The following PRKCA variants were observed in gnomAD, a reference collection of about 807,000 sequenced individuals.
PRKCA encodes protein kinase C alpha type.
Under a neutral mutation model 87.0 loss-of-function variants are expected in PRKCA, and 27 were observed. That is an observed-to-expected ratio of 0.31 (90% CI 0.23 to 0.43). The LOEUF is 0.43. Among genes scored for constraint, PRKCA ranks in the 20% least tolerant of loss-of-function variants. The pLI is 1.00. For synonymous variants in PRKCA, 329 were observed against 311.1 expected, an observed-to-expected ratio of 1.06 and a Z score of -0.61; for missense variants, 518 against 852.3, an observed-to-expected ratio of 0.61 and a Z score of 4.88.
intron 2 of PRKCA, among the ~76,000 whole-genome samples, chr17:66,399,885 T>C (rs1910918842): frequency 6.6e-6 from 1 of 152,116 alleles, no homozygotes; most frequent in African/African-American, 2.4e-5. Context: ...ATGGTTCAGA[T>C]TGGGGATTTT....
intron 2 of PRKCA, among the ~76,000 whole-genome samples, chr17:66,486,664 C>T (rs538098076): frequency 6.6e-6 from 1 of 152,226 alleles, no homozygotes; most frequent in South Asian, 2.1e-4. Flanking sequence ...ATGAAGACAT[C>T]TCTCATGGCT....
chr17:66,779,951 G>A (rs1975164183), intron 14 of PRKCA, among the ~76,000 whole-genome samples: 1 of 152,182 alleles, frequency 6.6e-6, no homozygotes, highest in Non-Finnish European at 1.5e-5. Flanking sequence ...AGGCTAAGTG[G>A]CTGGCAGTAC....
intron 3 of PRKCA, among the ~76,000 whole-genome samples, chr17:66,557,801 C>A (rs750161361): frequency 6.6e-6 from 1 of 152,148 alleles, no homozygotes; most frequent in Non-Finnish European, 1.5e-5. Flanking sequence ...TAAAATCCAT[C>A]TGGGCAGATT....
intron 2 of PRKCA, among the ~76,000 whole-genome samples, chr17:66,321,231 T>A (rs1325495682): frequency 6.6e-6 from 1 of 152,194 alleles, no homozygotes; most frequent in Non-Finnish European, 1.5e-5. Flanking sequence ...TAAAAATTAG[T>A]CTGAAACAAT....
At chr17:66,493,167 A>T (rs1015028230) in intron 2 of PRKCA, among the ~76,000 whole-genome samples, 2 of 152,184 alleles carry the variant, frequency 1.3e-5, no homozygotes, top group African/African-American at 4.8e-5. Flanking sequence ...TTACAATCAC[A>T]TTATATTATG....
rs143978571 is a variant in PRKCA, at chr17:66,315,974, G to A, written c.205+9847G>A. Among the ~76,000 whole-genome samples the A allele has an allele frequency of 5.2e-3, 797 of 152,302 alleles. 6 individuals carry two copies. Among genetic ancestry groups the A allele is most frequent in the African/African-American group, 0.018 (751 of 41,560 alleles). On this transcript the variant is annotated intron_variant, in intron 2 of 16. Transcript: ENST00000413366. ...CATTATATTACATCTTAGTCTGAAT[G>A]AAATAACAGTTTTTGAAGCATGTGG...
intron 8 of PRKCA, among the ~76,000 whole-genome samples, chr17:66,692,846 A>G (rs181111059): frequency 1.1e-4 from 17 of 152,304 alleles, no homozygotes; most frequent in African/African-American, 3.4e-4. Context: ...GTTAAGTTCA[A>G]TGATGAATCT....
At chr17:66,510,910 C>A (rs1917197706) in intron 3 of PRKCA, among the ~76,000 whole-genome samples, 1 of 152,024 alleles carries the variant, frequency 6.6e-6, no homozygotes, top group South Asian at 2.1e-4. Context: ...CCATGCCCGG[C>A]TAATTTTCGT....
intron 14 of PRKCA, among the ~76,000 whole-genome samples, chr17:66,782,604 C>T (rs1194526831): frequency 6.6e-6 from 1 of 152,214 alleles, no homozygotes; most frequent in African/African-American, 2.4e-5. Context: ...TACGGGATGA[C>T]TTGAAACATC....
intron 2 of PRKCA, among the ~76,000 whole-genome samples, chr17:66,375,029 G>A (rs141585053): frequency 8.7e-5 from 13 of 148,634 alleles, no homozygotes; most frequent in African/African-American, 3.2e-4. Flanking sequence ...CACCGCACCC[G>A]GCCTTAGTTG....
chr17:66,567,539 G>A (rs1180164786), intron 3 of PRKCA, among the ~76,000 whole-genome samples: 1 of 152,226 alleles, frequency 6.6e-6, no homozygotes, highest in Non-Finnish European at 1.5e-5. Flanking sequence ...TGAATTCCCA[G>A]TGGGAAGAAA....
At chr17:66,305,646 AT>A (rs1904775454) in intron 1 of PRKCA, among the ~76,000 whole-genome samples, 1 of 152,242 alleles carries the variant, frequency 6.6e-6, no homozygotes, top group Non-Finnish European at 1.5e-5. Context: ...GACATGTGAT[AT>A]TTTAAACAAA....
chr17:66,642,224 A>G (rs1485734344), intron 4 of PRKCA, among the ~76,000 whole-genome samples: 1 of 151,564 alleles, frequency 6.6e-6, no homozygotes, highest in East Asian at 1.9e-4. Flanking sequence ...CCACCTCCCG[A>G]GTTCACACCA....
chr17:66,768,741 G>A (rs1164258354), intron 13 of PRKCA, among the ~76,000 whole-genome samples: 1 of 152,146 alleles, frequency 6.6e-6, no homozygotes, highest in African/African-American at 2.4e-5. Context: ...AACAGCAAGG[G>A]GAAATCCGCC....
At position 66,808,121 on chromosome 17, in the gene PRKCA, C is replaced by G. The variant is rs1377702193; in HGVS notation, c.*4084C>G. ...TAGCTCATAGTTCTCTGGGCAGAGC[C>G]AGACCATCCAGTGTACCCCAGAGGC... On this transcript the variant is annotated 3_prime_UTR_variant, in exon 17 of 17. Coordinates refer to ENST00000413366, the MANE Select transcript of PRKCA (RefSeq NM_002737.3). 1 of 152,136 alleles carries G rather than the reference C, an allele frequency of 6.6e-6. No homozygotes were observed. Among genetic ancestry groups the G allele is most frequent in the Non-Finnish European group, 1.5e-5 (1 of 68,050 alleles). 9.4% of individuals were successfully genotyped at this position (152,136 alleles called of 1,614,324 possible).
intron 3 of PRKCA, among the ~76,000 whole-genome samples, chr17:66,504,690 T>TC (rs796859345): frequency 1.2e-4 from 18 of 152,196 alleles, no homozygotes; most frequent in African/African-American, 4.3e-4. Context: ...CCAGCCTGCA[T>TC]CTAATGGGAG....
At chr17:66,520,432 T>A (rs1438298887) in intron 3 of PRKCA, among the ~76,000 whole-genome samples, 2 of 152,120 alleles carry the variant, frequency 1.3e-5, no homozygotes, top group African/African-American at 2.4e-5. Context: ...ACCGTGCTAA[T>A]TTTTAAATCT....
intron 3 of PRKCA, among the ~76,000 whole-genome samples, chr17:66,610,300 C>T (rs925771517): frequency 6.6e-6 from 1 of 152,202 alleles, no homozygotes; most frequent in East Asian, 1.9e-4. Flanking sequence ...GCTTCCATGG[C>T]CTCCCCGGAC....
chr17:66,457,163 C>G (rs1266868847), intron 2 of PRKCA, among the ~76,000 whole-genome samples: 3 of 152,182 alleles, frequency 2.0e-5, no homozygotes. Context: ...GAGTCGTCGT[C>G]TTGGCCTGTT....
Sources: allele counts gnomAD v4.1 joint callset (sites outside exome capture counted in the v4.1 genomes callset), GRCh38; gene constraint gnomAD v4.1.1; transcripts MANE v1.5; gene names NCBI Gene and HGNC (gene_info 2026-07-23, HGNC 2026-07-21).